Variants in FGFR1OP2 observed in about 807,000 individuals in gnomAD.
FGFR1OP2 encodes FGFR1 oncogene partner 2, also known as fibroblast growth factor receptor 1 oncogene partner 2.
Under a neutral mutation model 35.2 loss-of-function variants are expected in FGFR1OP2, and 17 were observed. That is an observed-to-expected ratio of 0.48 (90% CI 0.33 to 0.73). The LOEUF is 0.73. FGFR1OP2 is among the 30% of genes least tolerant of loss of function. The pLI is 0.02. For synonymous variants in FGFR1OP2, 105 were observed against 104.6 expected (o/e 1.00, Z -0.03); for missense variants, 251 against 307.3 (o/e 0.82, Z 1.37).
chr12:26,956,505 C>A, intron 2 of FGFR1OP2, 38 bp from the exon 3 acceptor site: 13 of 553,900 alleles, frequency 2.3e-5, no homozygotes, highest in Admixed American at 3.2e-5. Context: ...TATATATTTG[C>A]AGGTATTTTC....
chr12:26,960,474 G>A (rs1214946550), intron 4 of FGFR1OP2, 41 bp from the exon 5 acceptor site: 2 of 1,411,054 alleles, frequency 1.4e-6, no homozygotes, highest in Admixed American at 3.5e-5. Context: ...TTAAATTACG[G>A]ATGATATCCG....
intron 2 of FGFR1OP2, among the ~76,000 whole-genome samples, chr12:26,955,492 T>C (rs1231916975): frequency 6.6e-6 from 1 of 152,180 alleles, no homozygotes; most frequent in Non-Finnish European, 1.5e-5. Context: ...TAGTTTCCCC[T>C]TTCCTCAGTC....
chr12:26,940,819 G>C (rs576051377), intron 1 of FGFR1OP2, among the ~76,000 whole-genome samples: 1 of 152,186 alleles, frequency 6.6e-6, no homozygotes, highest in South Asian at 2.1e-4. Flanking sequence ...TAATTACCTA[G>C]AAAATATTTG....
At chr12:26,946,678 T>C (rs1477819985) in intron 1 of FGFR1OP2, among the ~76,000 whole-genome samples, 2 of 152,232 alleles carry the variant, frequency 1.3e-5, no homozygotes, top group East Asian at 3.8e-4. Context: ...AGATATGTAA[T>C]TCACATACCA....
At chr12:26,953,378 G>C (rs1938968132) in intron 1 of FGFR1OP2, among the ~76,000 whole-genome samples, 1 of 150,870 alleles carries the variant, frequency 6.6e-6, no homozygotes, top group Non-Finnish European at 1.5e-5. Flanking sequence ...TTAAAATTTT[G>C]TTTGAGGTTT....
Position 26,938,477 on chromosome 12 carries a change from C to T in FGFR1OP2, c.-248C>T, listed in dbSNP as rs1938612255. On this transcript the variant is annotated 5_prime_UTR_variant, in exon 1 of 7. Coordinates refer to ENST00000229395, the MANE Select transcript of FGFR1OP2 (RefSeq NM_015633.3). Reference sequence around the variant, plus strand: ...GAAATCTCGCGAGGCTGGAGTTCTCCGGGAGCGCCGGTCGGAGGCGGTCGG... The same window carrying T: ...GAAATCTCGCGAGGCTGGAGTTCTCTGGGAGCGCCGGTCGGAGGCGGTCGG... 6.6e-6 allele frequency: 1 copy of T among 152,168 alleles called. No individual in the cohort carries two copies. 9.4% of individuals were successfully genotyped at this position (152,168 alleles called of 1,614,324 possible).
chr12:26,949,030 T>A (rs895829823), intron 1 of FGFR1OP2, among the ~76,000 whole-genome samples: 3 of 152,148 alleles, frequency 2.0e-5, no homozygotes, highest in Non-Finnish European at 4.4e-5. Flanking sequence ...AAAAAAATAA[T>A]AATAAATATT....
Position 26,965,021 on chromosome 12 carries a change from GATTA to G in FGFR1OP2, c.*293_*296del, listed in dbSNP as rs1213875259. On this transcript the variant is annotated 3_prime_UTR_variant, in exon 7 of 7. Transcript: ENST00000229395. Reference sequence around the variant, plus strand: ...TGGCAGTACTGCTGGCTTTCTGGGTGATTAATTAGGTAAACTTGAATATTCCCAG... The same window carrying G: ...TGGCAGTACTGCTGGCTTTCTGGGTGATTAGGTAAACTTGAATATTCCCAG... 1.6e-5 allele frequency: 4 copies of G among 247,672 alleles called. No individual in the cohort carries two copies. Among genetic ancestry groups the G allele is most frequent in the Non-Finnish European group, 7.6e-6 (1 of 130,988 alleles). The allele number at this position is 247,672 out of a possible 1,614,324, so 15.3% of individuals were successfully genotyped here. A position where few individuals can be genotyped will look rare whatever the true frequency, so the allele number is the denominator to read the frequency against.
At chr12:26,941,998 T>C (rs1938742323) in intron 1 of FGFR1OP2, among the ~76,000 whole-genome samples, 1 of 152,236 alleles carries the variant, frequency 6.6e-6, no homozygotes, top group Non-Finnish European at 1.5e-5. Flanking sequence ...AGTTTGGCTC[T>C]TTCCTTGCTT....
chr12:26,957,579 A>C, intron 3 of FGFR1OP2, 22 bp from the exon 4 acceptor site: 1 of 1,593,746 alleles, frequency 6.3e-7, no homozygotes, highest in Non-Finnish European at 8.5e-7. Flanking sequence ...GTTGGAATAA[A>C]ATACAATATT....
intron 3 of FGFR1OP2, among the ~76,000 whole-genome samples, chr12:26,957,066 GC>G (rs970761858): frequency 2.0e-5 from 3 of 152,064 alleles, no homozygotes; most frequent in African/African-American, 7.2e-5. Context: ...TCATTTCCCA[GC>G]CTTTTTTTTA....
chr12:26,957,832 T>G, intron 4 of FGFR1OP2, 89 bp downstream of exon 4: 1 of 1,112,126 alleles, frequency 9.0e-7, no homozygotes, highest in Non-Finnish European at 1.2e-6. Context: ...AAATCACAGG[T>G]ATCTAGTAAT....
In FGFR1OP2 at chr12:26,964,016, T is replaced by C. The variant is rs376667192; in HGVS notation, c.624+561T>C. ...AGATAAAGTGATAGAGAACAAATTA[T>C]GAAAGGTTATTGTTAAATGTCTACA... On this transcript the variant is annotated intron_variant, in intron 6 of 6. Transcript: ENST00000229395. 3.9e-5 allele frequency among the ~76,000 whole-genome samples: 6 copies of C among 152,150 alleles called. No homozygotes were observed. In the South Asian group the frequency reaches 6.2e-4, roughly 16 times the overall value.
In FGFR1OP2 at chr12:26,938,530, C is replaced by T. The variant is rs1360783349; in HGVS notation, c.-195C>T. 1 of 152,224 alleles carries T rather than the reference C, an allele frequency of 6.6e-6. No homozygotes were observed. The highest frequency in any genetic ancestry group is 1.5e-5 in the Non-Finnish European group (1 of 68,056). 9.4% of individuals were successfully genotyped at this position (152,224 alleles called of 1,614,324 possible). On this transcript the variant is annotated 5_prime_UTR_variant, in exon 1 of 7. Transcript: ENST00000229395. Reference sequence around the variant, plus strand: ...GAGGTGTCTACCCCGCCGGTGATGGCGTTGAACGCCACTGGCTTCCCGGCC... The same window carrying T: ...GAGGTGTCTACCCCGCCGGTGATGGTGTTGAACGCCACTGGCTTCCCGGCC...
chr12:26,963,467 A>G lies in FGFR1OP2; in HGVS notation c.624+12A>G, dbSNP rs372010293. On this transcript the variant is annotated intron_variant, in intron 6 of 6. Coordinates refer to ENST00000229395, the MANE Select transcript of FGFR1OP2 (RefSeq NM_015633.3). Reference sequence around the variant, plus strand: ...TATTTCAACTTGAAGTAAGTTTTACATTGCAAATGTAGATGAAAACTGTCC... The same window carrying G: ...TATTTCAACTTGAAGTAAGTTTTACGTTGCAAATGTAGATGAAAACTGTCC... 6.5e-6 allele frequency: 10 copies of G among 1,545,656 alleles called. No homozygotes were observed. In the South Asian group the frequency reaches 6.9e-5, roughly 11 times the overall value.
intron 1 of FGFR1OP2, among the ~76,000 whole-genome samples, chr12:26,953,033 C>T (rs914405985): frequency 1.3e-5 from 2 of 151,822 alleles, no homozygotes; most frequent in South Asian, 4.2e-4. Flanking sequence ...GAGGCCAAGG[C>T]GGGCGGATCA....
chr12:26,938,493 A>C lies in FGFR1OP2; in HGVS notation c.-232A>C, dbSNP rs932161616. The C allele has an allele frequency of 2.0e-5, 3 of 152,270 alleles. No individual in the cohort carries two copies. The highest frequency in any genetic ancestry group is 2.9e-5 in the Non-Finnish European group (2 of 68,104). The allele number at this position is 152,270 out of a possible 1,614,324, so 9.4% of individuals were successfully genotyped here. On this transcript the variant is annotated 5_prime_UTR_variant, in exon 1 of 7. Coordinates refer to ENST00000229395, the MANE Select transcript of FGFR1OP2 (RefSeq NM_015633.3). Reference sequence around the variant, plus strand: ...GGAGTTCTCCGGGAGCGCCGGTCGGAGGCGGTCGGCGGAGGTGTCTACCCC... The same window carrying C: ...GGAGTTCTCCGGGAGCGCCGGTCGGCGGCGGTCGGCGGAGGTGTCTACCCC...
chr12:26,956,040 C>T (rs971816178), intron 2 of FGFR1OP2, among the ~76,000 whole-genome samples: 1 of 151,796 alleles, frequency 6.6e-6, no homozygotes, highest in African/African-American at 2.4e-5. Context: ...TAAAAAAAAG[C>T]TCATCAGCTA....
Position 26,957,664 on chromosome 12 carries a change from A to G in FGFR1OP2, c.317A>G (p.Glu106Gly). 1 of 1,613,840 alleles carries G rather than the reference A, an allele frequency of 6.2e-7. No individual in the cohort carries two copies. ...GAACTTATAATGAGCAAGTACCGAG[A>G]ACAAATGTTTAGATTGCTAATGGCT... Reference protein sequence around the residue: ...ALELIMSKYREQMFRLLMASK... With the variant: ...ALELIMSKYRGQMFRLLMASK... The change falls in exon 4 of 7, where the codon GAA (glutamate) becomes GGA (glycine). Residue 106 changes from glutamate (E) to glycine (G), a missense_variant. Glu to Gly is a moderately conservative substitution (Grantham distance 98). Transcript: ENST00000229395.
Sources: allele counts gnomAD v4.1 joint callset (sites outside exome capture counted in the v4.1 genomes callset), GRCh38; gene constraint gnomAD v4.1.1; transcripts MANE v1.5; gene names NCBI Gene and HGNC (gene_info 2026-07-23, HGNC 2026-07-21).